Variants in ERG observed in about 807,000 individuals in gnomAD.
ERG encodes transcriptional regulator ERG.
In ERG, 9 loss-of-function variants were observed where a neutral mutation model predicts 55.3. The observed-to-expected ratio is 0.16, with a 90% CI of 0.10 to 0.28. The LOEUF (loss-of-function observed/expected upper bound fraction) is 0.28. ERG is among the 10% of genes least tolerant of loss of function. The pLI, the probability that ERG is intolerant of heterozygous loss-of-function variation, is 1.00. For synonymous variants in ERG, 223 were observed against 237.3 expected (o/e 0.94, Z 0.55); for missense variants, 434 against 631.6 (o/e 0.69, Z 3.35).
upstream of ERG, among the ~76,000 whole-genome samples, chr21:38,501,129 G>A (rs907279056): frequency 6.9e-6 from 1 of 143,984 alleles, no homozygotes; most frequent in Non-Finnish European, 1.5e-5. Flanking sequence ...GCAGTGGCGC[G>A]ATCTCGGCTC....
intron 1 of ERG, among the ~76,000 whole-genome samples, chr21:38,618,276 C>A (rs2060270466): frequency 6.6e-6 from 1 of 152,172 alleles, no homozygotes; most frequent in Non-Finnish European, 1.5e-5. Flanking sequence ...GGCAGATGAT[C>A]ATCTCGGAAC....
chr21:38,534,245 C>T (rs2059693373), intron 2 of ERG, among the ~76,000 whole-genome samples: 1 of 152,062 alleles, frequency 6.6e-6, no homozygotes, highest in Non-Finnish European at 1.5e-5. Context: ...ACCAGTAAGT[C>T]ATTACTGACA....
chr21:38,478,266 C>T (rs1282150452), intron 1 of ERG, among the ~76,000 whole-genome samples: 1 of 152,246 alleles, frequency 6.6e-6, no homozygotes, highest in African/African-American at 2.4e-5. Flanking sequence ...CATTTACATG[C>T]TTAACTGTTC....
intron 2 of ERG, among the ~76,000 whole-genome samples, chr21:38,571,455 G>C (rs1202412282): frequency 6.6e-6 from 1 of 151,822 alleles, no homozygotes; most frequent in South Asian, 2.1e-4. Flanking sequence ...AGGCTGCAGT[G>C]AGCCATAATC....
rs150614074 is a variant in ERG, at chr21:38,458,222, G to A, written c.19-12601C>T. Reference sequence around the variant, plus strand: ...GGGCAGATCACGAGGTCAGGAGTTCGAGACCAGCCTGGCCAACATGGTGAA... The same window carrying A: ...GGGCAGATCACGAGGTCAGGAGTTCAAGACCAGCCTGGCCAACATGGTGAA... On this transcript the variant is annotated intron_variant, in intron 1 of 9. Coordinates refer to ENST00000288319, the MANE Select transcript of ERG (RefSeq NM_182918.4). Among the ~76,000 whole-genome samples the A allele has an allele frequency of 1.1e-3, 163 of 152,130 alleles. 1 individual carries two copies. The highest frequency in any genetic ancestry group is 3.5e-3 in the African/African-American group (145 of 41,510).
In ERG at chr21:38,383,579, G is replaced by T; in HGVS notation, c.1264C>A (p.His422Asn). Residue 422 changes from histidine to asparagine, a missense_variant, in exon 10 of 10, where the codon CAC (histidine) becomes AAC (asparagine). Physicochemically the swap from His to Asn is moderately conservative, Grantham distance 68. Transcript: ENST00000288319. The surrounding 1 kb of genome is among the most constrained non-coding windows in gnomAD (Gnocchi z 5.7). Reference protein sequence around the residue: ...PSDLPYMGSYHAHPQKMNFVA... With the variant: ...PSDLPYMGSYNAHPQKMNFVA... The stretch of plus-strand genomic sequence containing the variant: ...AAGTTCATCTTCTGTGGGTGGGCGT[G>T]ATAGGAGCCCATGTACGGGAGGTCT... 6.2e-7 allele frequency: 1 copy of T among 1,607,256 alleles called. No homozygotes were observed. The highest frequency in any genetic ancestry group is 1.3e-5 in the African/African-American group (1 of 74,814).
At chr21:38,493,592 T>C (rs953218582) in intron 1 of ERG, among the ~76,000 whole-genome samples, 1 of 152,068 alleles carries the variant, frequency 6.6e-6, no homozygotes, top group Non-Finnish European at 1.5e-5. Flanking sequence ...AAGAGGAGAG[T>C]GGGGTATTCC....
intron 1 of ERG, among the ~76,000 whole-genome samples, chr21:38,641,025 G>A (rs930171017): frequency 1.3e-5 from 2 of 152,092 alleles, no homozygotes; most frequent in African/African-American, 2.4e-5. Flanking sequence ...ATAAACTAAC[G>A]CATACATAGA....
the ERG span, among the ~76,000 whole-genome samples, chr21:38,374,818 C>CTTATATTG: frequency 9.9e-5 from 15 of 152,042 alleles, no homozygotes; most frequent in African/African-American, 3.6e-4. Context: ...TGTACTTGGC[C>CTTATATTG]TTATATTGTT....
At chr21:38,425,570 TA>T (rs1483587332) in intron 2 of ERG, among the ~76,000 whole-genome samples, 1 of 152,236 alleles carries the variant, frequency 6.6e-6, no homozygotes, top group Non-Finnish European at 1.5e-5. Context: ...GTCTGTTGTC[TA>T]AGGCGGATTT....
chr21:38,575,970 C>T (rs1480575004), intron 1 of ERG, among the ~76,000 whole-genome samples: 1 of 152,202 alleles, frequency 6.6e-6, no homozygotes, highest in Non-Finnish European at 1.5e-5. Flanking sequence ...CCAAGAGAAC[C>T]CTAGTCCGAC....
upstream of ERG, among the ~76,000 whole-genome samples, chr21:38,500,373 T>C (rs931502971): frequency 1.3e-5 from 2 of 152,252 alleles, no homozygotes; most frequent in African/African-American, 4.8e-5. Context: ...GCATTTCTAC[T>C]GGGACCTAAT....
intron 1 of ERG, among the ~76,000 whole-genome samples, chr21:38,657,441 T>C (rs1037339550): frequency 6.6e-5 from 10 of 152,222 alleles, no homozygotes; most frequent in Non-Finnish European, 4.4e-5. Context: ...CTTGGTTTTG[T>C]CTACATTTTA....
the ERG span, among the ~76,000 whole-genome samples, chr21:38,372,219 C>CT: frequency 6.6e-6 from 1 of 151,868 alleles, no homozygotes; most frequent in Non-Finnish European, 1.5e-5. Flanking sequence ...TCTGTCTTTT[C>CT]TTTTTTAAAG....
At chr21:38,521,809 C>T (rs2146750398) in intron 2 of ERG, among the ~76,000 whole-genome samples, 1 of 152,274 alleles carries the variant, frequency 6.6e-6, no homozygotes, top group South Asian at 2.1e-4. Flanking sequence ...CAATTAAGAT[C>T]ACCGTAAGTT....
chr21:38,638,644 A>G (rs1167084361), intron 1 of ERG, among the ~76,000 whole-genome samples: 2 of 152,226 alleles, frequency 1.3e-5, no homozygotes, highest in Admixed American at 6.5e-5. Context: ...CCTCCCTGCC[A>G]GAGGATGGGG....
chr21:38,497,408 C>G lies in ERG; in HGVS notation c.18+955G>C, dbSNP rs561763038. Among the ~76,000 whole-genome samples, 3 of 152,336 alleles carry G rather than the reference C, an allele frequency of 2.0e-5. No individual in the cohort carries two copies. The South Asian group carries it at 6.2e-4, about 32-fold the overall frequency. ...CAACAAACACAATTTTCTTTTCCCT[C>G]CACTCAGCATCTGCTTTTGTTGCTG... On this transcript the variant is annotated intron_variant, in intron 1 of 9. Transcript: ENST00000288319.
intron 8 of ERG, among the ~76,000 whole-genome samples, 195 bp from the exon 9 acceptor site, chr21:38,391,237 C>G (rs947861656): frequency 1.3e-5 from 2 of 152,160 alleles, no homozygotes; most frequent in African/African-American, 4.8e-5. Flanking sequence ...TGCTAGGGGA[C>G]TCCTAATTGG....
At chr21:38,655,439 AAT>A (rs1314920061) in intron 1 of ERG, among the ~76,000 whole-genome samples, 1 of 152,148 alleles carries the variant, frequency 6.6e-6, no homozygotes, top group Non-Finnish European at 1.5e-5. Context: ...AACACAATGC[AAT>A]GCTAGCATTG....
Sources: allele counts gnomAD v4.1 joint callset (sites outside exome capture counted in the v4.1 genomes callset), GRCh38; gene constraint gnomAD v4.1.1; non-coding constraint Gnocchi (gnomAD v3.1); transcripts MANE v1.5; gene names NCBI Gene and HGNC (gene_info 2026-07-23, HGNC 2026-07-21).